The following HDAC9 variants were observed in gnomAD, a reference collection of about 807,000 sequenced individuals.
HDAC9 encodes histone deacetylase 9.
A neutral mutation model predicts 139.4 loss-of-function variants in HDAC9; 41 were observed. The ratio of observed to expected loss-of-function variants is 0.29; its 90% CI spans 0.23 to 0.38. HDAC9 has a LOEUF of 0.38. HDAC9 is among the 10% of genes least tolerant of loss of function. The pLI, the probability that HDAC9 is intolerant of heterozygous loss-of-function variation, is 1.00. For synonymous variants in HDAC9, 517 were observed against 476.2 expected, an observed-to-expected ratio of 1.09 and a Z score of -1.12; for missense variants, 1,147 against 1,297.0, an observed-to-expected ratio of 0.88 and a Z score of 1.78.
At chr7:18,847,348 C>G (rs981112570) in intron 21 of HDAC9, among the ~76,000 whole-genome samples, 2 of 151,790 alleles carry the variant, frequency 1.3e-5, no homozygotes, top group African/African-American at 4.8e-5. Context: ...GCCTTTTTTT[C>G]TTTTTCCTTT....
chr7:18,732,730 CGT>C (rs543750943), intron 13 of HDAC9, among the ~76,000 whole-genome samples: 4 of 58,400 alleles, frequency 6.8e-5, no homozygotes, highest in African/African-American at 2.2e-4. Flanking sequence ...CACACACACA[CGT>C]GTATGTGTGC....
intron 2 of HDAC9, among the ~76,000 whole-genome samples, chr7:18,224,413 T>G (rs1163487184): frequency 6.6e-6 from 1 of 152,166 alleles, no homozygotes; most frequent in Non-Finnish European, 1.5e-5. Flanking sequence ...ATAGTGGTCC[T>G]TAGGGGCCCA....
chr7:18,202,708 C>T (rs1421386461), intron 2 of HDAC9, among the ~76,000 whole-genome samples: 1 of 152,178 alleles, frequency 6.6e-6, no homozygotes, highest in African/African-American at 2.4e-5. Flanking sequence ...AGCAGCTTAA[C>T]AGACTTCTCT....
At chr7:18,629,298 T>C in intron 6 of HDAC9, 52 bp from the exon 7 acceptor site, 2 of 1,463,472 alleles carry the variant, frequency 1.4e-6, no homozygotes. Flanking sequence ...AGCAATTGGC[T>C]CTCTATTTTT....
intron 17 of HDAC9, among the ~76,000 whole-genome samples, chr7:18,795,377 C>T (rs1365200870): frequency 2.0e-5 from 3 of 150,906 alleles, no homozygotes; most frequent in Admixed American, 1.3e-4. Flanking sequence ...TTTTCTGGGG[C>T]TCAATTTCTG....
At chr7:18,445,066 A>G (rs1323248925) in intron 1 of HDAC9, among the ~76,000 whole-genome samples, 1 of 152,176 alleles carries the variant, frequency 6.6e-6, no homozygotes, top group Non-Finnish European at 1.5e-5. Flanking sequence ...CATAGTGGCC[A>G]TTGTCTGTCT....
intron 8 of HDAC9, among the ~76,000 whole-genome samples, chr7:18,639,183 C>T (rs1455682025): frequency 6.6e-6 from 1 of 152,008 alleles, no homozygotes. Context: ...TGTTTTGCCC[C>T]AATCTCACAT....
intron 2 of HDAC9, among the ~76,000 whole-genome samples, chr7:18,227,599 A>G (rs1156773237): frequency 6.6e-6 from 1 of 152,158 alleles, no homozygotes; most frequent in Non-Finnish European, 1.5e-5. Context: ...GCCTGGAACC[A>G]TGTCTGGTAA....
intron 1 of HDAC9, among the ~76,000 whole-genome samples, chr7:18,344,691 G>T (rs1782268292): frequency 6.6e-6 from 1 of 152,002 alleles, no homozygotes; most frequent in East Asian, 1.9e-4. Flanking sequence ...TTAAAAATTT[G>T]CAATTTGTTC....
chr7:18,648,667 A>C lies in HDAC9; in HGVS notation c.1451A>C (p.Gln484Pro), dbSNP rs765145957. 1 of 1,612,426 alleles carries C rather than the reference A, an allele frequency of 6.2e-7. No homozygotes were observed. Residue 484 changes from glutamine to proline, a missense_variant, in exon 11 of 26, where the codon CAG (glutamine) becomes CCG (proline). This residue lies in a region of HDAC9 where 256 missense variants were observed against 219.2 expected (regional missense o/e 1.17). Coordinates refer to ENST00000686413, the MANE Select transcript of HDAC9 (RefSeq NM_178425.4). ...FLEKQKQYQQQIHMNKLLSKS... is the reference protein window; with the variant it reads ...FLEKQKQYQQPIHMNKLLSKS... Reference sequence around the variant, plus strand: ...GAGAAGCAGAAGCAATACCAGCAGCAGATCCACATGAACAAAGTAAGCCTC... The same window carrying C: ...GAGAAGCAGAAGCAATACCAGCAGCCGATCCACATGAACAAAGTAAGCCTC...
intron 1 of HDAC9, among the ~76,000 whole-genome samples, chr7:18,304,631 G>A (rs1798792354): frequency 6.6e-6 from 1 of 152,002 alleles, no homozygotes; most frequent in African/African-American, 2.4e-5. Context: ...AAAAGTAATA[G>A]AGATCAGTGA....
At chr7:18,255,003 A>C (rs998692446) in intron 2 of HDAC9, among the ~76,000 whole-genome samples, 1 of 152,228 alleles carries the variant, frequency 6.6e-6, no homozygotes, top group Admixed American at 6.5e-5. Context: ...ACATATATAA[A>C]TTATAGGTAT....
chr7:18,407,721 G>A (rs2128741548), intron 1 of HDAC9, among the ~76,000 whole-genome samples: 1 of 152,220 alleles, frequency 6.6e-6, no homozygotes, highest in East Asian at 1.9e-4. Flanking sequence ...TAGTAAAACT[G>A]GCAGAACTGT....
chr7:18,473,163 C>G (rs749231967), intron 1 of HDAC9, among the ~76,000 whole-genome samples: 3 of 151,968 alleles, frequency 2.0e-5, no homozygotes, highest in Non-Finnish European at 2.9e-5. Context: ...AACACCCATT[C>G]AAAAAAAGGC....
At chr7:18,618,760 A>ATATATATATATGTG (rs1388208113) in intron 6 of HDAC9, among the ~76,000 whole-genome samples, 2 of 133,808 alleles carry the variant, frequency 1.5e-5, no homozygotes, top group East Asian at 4.4e-4. Flanking sequence ...ATATATATAT[A>ATATATATATATGTG]TGTAGGAATT....
intron 1 of HDAC9, among the ~76,000 whole-genome samples, chr7:18,125,955 G>A (rs1038998300): frequency 1.3e-5 from 2 of 152,080 alleles, no homozygotes; most frequent in African/African-American, 4.8e-5. Context: ...GAGTCTATCT[G>A]GCTATCATTT....
intron 22 of HDAC9, among the ~76,000 whole-genome samples, chr7:18,875,577 C>A (rs1167788927): frequency 6.6e-6 from 1 of 152,106 alleles, no homozygotes; most frequent in Non-Finnish European, 1.5e-5. Context: ...TAGGTAGTAA[C>A]TATTTTTAAC....
intron 21 of HDAC9, among the ~76,000 whole-genome samples, chr7:18,871,657 G>A (rs1044851421): frequency 2.0e-5 from 3 of 152,132 alleles, no homozygotes; most frequent in Non-Finnish European, 2.9e-5. Context: ...TGCTTTCACA[G>A]ATTTGTTTTA....
Position 18,793,366 on chromosome 7 carries a change from A to C in HDAC9, c.2236A>C (p.Asn746His). ...TCAGGTGGACAGTGACACCATTTGG[A>C]ATGAGCTACACTCGTCCGGTGCTGC... ...GLGVDSDTIW[N>H]ELHSSGAARM... is the part of the protein sequence containing the mutation. The change falls in exon 17 of 26, where the codon AAT (asparagine) becomes CAT (histidine). Residue 746 changes from asparagine (N) to histidine (H), a missense_variant. Asn to His is a moderately conservative substitution (Grantham distance 68, BLOSUM62 1). This residue lies in a region of HDAC9 where 407 missense variants were observed against 521.5 expected (regional missense o/e 0.78). Coordinates refer to ENST00000686413, the MANE Select transcript of HDAC9 (RefSeq NM_178425.4). 1 of 1,579,256 alleles carries C rather than the reference A, an allele frequency of 6.3e-7. No individual in the cohort carries two copies. The highest frequency in any genetic ancestry group is 1.2e-5 in the South Asian group (1 of 85,678).
Sources: gnomAD v4.1 joint callset for allele counts (sites outside exome capture counted in the v4.1 genomes callset) on GRCh38, gnomAD v4.1.1 for gene constraint, gnomAD v4.1.1 regional missense constraint, MANE v1.5 for transcripts, NCBI Gene and HGNC (gene_info 2026-07-23, HGNC 2026-07-21) for gene names.